Variants in PAQR5 observed in about 807,000 individuals in gnomAD.
PAQR5 encodes the protein progestin and adipoQ receptor family member 5, also known as membrane progestin receptor gamma.
In PAQR5, 20 loss-of-function variants were observed where a neutral mutation model predicts 34.5. The observed-to-expected ratio is 0.58, with a 90% CI of 0.41 to 0.84. The LOEUF is 0.84. Among genes scored for constraint, PAQR5 ranks in the 40% least tolerant of loss-of-function variants. PAQR5 has a pLI of 0.00. For synonymous variants in PAQR5, 131 were observed against 155.6 expected, an observed-to-expected ratio of 0.84 and a Z score of 1.18; for missense variants, 378 against 412.7, an observed-to-expected ratio of 0.92 and a Z score of 0.73.
rs1175316440 is a variant in PAQR5, at chr15:69,389,745, C to T, written c.477C>T (p.Asn159=). The change falls in exon 6 of 9, where the codon AAC becomes AAT. Residue 159 remains asparagine (N), a synonymous_variant. Transcript: ENST00000395407. ...ACTACGTGGCCCTGGCTGTACTGAA[C>T]ACCATCCTCAGCACAGGCCTCTCCT... ...HDYYVALAVL[N]TILSTGLSCY... The T allele has an allele frequency of 5.6e-6, 9 of 1,614,058 alleles. No individual in the cohort carries two copies. Among genetic ancestry groups the T allele is most frequent in the Non-Finnish European group, 7.6e-6 (9 of 1,180,020 alleles).
intron 1 of PAQR5, among the ~76,000 whole-genome samples, chr15:69,300,915 TTCTC>T (rs1189522672): frequency 0.11 from 1,184 of 10,964 alleles, 446 homozygotes; most frequent in Non-Finnish European, 0.21. Flanking sequence ...CTTCCTTCCT[TTCTC>T]TCTCTCTCTC....
intron 4 of PAQR5, among the ~76,000 whole-genome samples, chr15:69,382,147 G>A (rs546654297): frequency 1.3e-5 from 2 of 152,236 alleles, no homozygotes; most frequent in East Asian, 1.9e-4. Flanking sequence ...TCTTGGCCTC[G>A]GCTTGCAAGG....
intron 3 of PAQR5, among the ~76,000 whole-genome samples, chr15:69,375,154 G>A (rs529768932): frequency 2.5e-4 from 38 of 152,278 alleles, no homozygotes; most frequent in African/African-American, 7.7e-4. Context: ...TCGCAGTTCC[G>A]GAGACTGAAA....
In PAQR5 at chr15:69,403,784, C is replaced by A; in HGVS notation, c.955C>A (p.Arg319=). The A allele has an allele frequency of 1.2e-6, 2 of 1,613,906 alleles. No homozygotes were observed. Among genetic ancestry groups the A allele is most frequent in the Non-Finnish European group, 1.7e-6 (2 of 1,179,808 alleles). ...NIIYFSAALY[R]IPKPELHKKE... is the part of the protein sequence containing the mutation. ...AATTTATTTCTCAGCTGCTCTGTATCGGATTCCCAAGCCAGAATTACATAA... is the reference window on the plus strand; with the variant it reads ...AATTTATTTCTCAGCTGCTCTGTATAGGATTCCCAAGCCAGAATTACATAA... The change falls in exon 9 of 9, where the codon CGG becomes AGG. Residue 319 remains arginine, a synonymous_variant. Coordinates refer to ENST00000395407, the MANE Select transcript of PAQR5 (RefSeq NM_017705.4).
chr15:69,326,500 A>G (rs879412029), intron 1 of PAQR5, among the ~76,000 whole-genome samples: 2 of 149,904 alleles, frequency 1.3e-5, no homozygotes, highest in Admixed American at 1.3e-4. Flanking sequence ...CAATGGCATA[A>G]TCTTGGCTCA....
chr15:69,400,251 T>C, intron 8 of PAQR5, 136 bp downstream of exon 8: 2 of 854,612 alleles, frequency 2.3e-6, no homozygotes, highest in South Asian at 1.7e-5. Flanking sequence ...ACATTGCAAG[T>C]TGACAGAGGT....
At chr15:69,323,477 A>G (rs1422120750) in intron 1 of PAQR5, among the ~76,000 whole-genome samples, 1 of 152,200 alleles carries the variant, frequency 6.6e-6, no homozygotes, top group Non-Finnish European at 1.5e-5. Flanking sequence ...GGCCAGAGGC[A>G]GGATGGGGGC....
chr15:69,328,036 C>G (rs181017507), intron 1 of PAQR5, among the ~76,000 whole-genome samples: 3 of 152,280 alleles, frequency 2.0e-5, no homozygotes, highest in Admixed American at 2.0e-4. Context: ...CAGCCTCAGC[C>G]TCCCAAAGTG....
At chr15:69,386,462 T>C (rs2056112210) in intron 5 of PAQR5, among the ~76,000 whole-genome samples, 1 of 152,084 alleles carries the variant, frequency 6.6e-6, no homozygotes, top group Non-Finnish European at 1.5e-5. Context: ...GAGTGGGGAA[T>C]GTGCGTGCCC....
intron 6 of PAQR5, chr15:69,396,886 G>A: frequency 3.4e-6 from 1 of 297,840 alleles, no homozygotes; most frequent in South Asian, 3.0e-5. Flanking sequence ...GGGTGAGGGT[G>A]GCAATGAAGA....
At chr15:69,349,862 G>A (rs1387116638) in intron 2 of PAQR5, among the ~76,000 whole-genome samples, 1 of 151,888 alleles carries the variant, frequency 6.6e-6, no homozygotes, top group Non-Finnish European at 1.5e-5. Flanking sequence ...GGCTGGTCTC[G>A]AACTCCTGAC....
At chr15:69,335,132 G>T (rs1006626387) in intron 1 of PAQR5, among the ~76,000 whole-genome samples, 10 of 151,630 alleles carry the variant, frequency 6.6e-5, no homozygotes, top group African/African-American at 2.4e-4. Context: ...GCTGAGGCAG[G>T]AGAATCGTTT....
intron 1 of PAQR5, among the ~76,000 whole-genome samples, chr15:69,319,191 A>ACATATATATATT (rs1566995864): frequency 4.7e-4 from 15 of 32,008 alleles, no homozygotes; most frequent in South Asian, 2.4e-3. Context: ...ATATATATAT[A>ACATATATATATT]TATATATATA....
intron 1 of PAQR5, among the ~76,000 whole-genome samples, chr15:69,307,181 A>C (rs1595829496): frequency 6.7e-6 from 1 of 148,820 alleles, no homozygotes. Flanking sequence ...TGCACCCTCC[A>C]CCTCCCGTTA....
At chr15:69,339,102 C>T (rs945369146) in intron 2 of PAQR5, among the ~76,000 whole-genome samples, 4 of 149,276 alleles carry the variant, frequency 2.7e-5, no homozygotes, top group African/African-American at 4.9e-5. Flanking sequence ...TGAGTCAGCG[C>T]AAGAAGACAG....
intron 6 of PAQR5, chr15:69,391,357 GA>G (rs2056266518): frequency 6.3e-6 from 1 of 158,776 alleles, no homozygotes; most frequent in Admixed American, 6.4e-5. Context: ...GATAGATTCT[GA>G]AACAGCATTG....
rs1566984993 is a variant in PAQR5, at chr15:69,300,573, CTTTCTTTCTTTCTTTCCTT to C, written c.-277+1518_-277+1536del. On this transcript the variant is annotated intron_variant, in intron 1 of 8. Coordinates refer to ENST00000395407, the MANE Select transcript of PAQR5 (RefSeq NM_017705.4). ...ATCCCGTATGCTTTTCTTTCTTTCTCTTTCTTTCTTTCTTTCCTTCTTTCTTTCTTTCTTTCTTTCTTTC... is the reference window on the plus strand; with the variant it reads ...ATCCCGTATGCTTTTCTTTCTTTCTCCTTTCTTTCTTTCTTTCTTTCTTTC... Among the ~76,000 whole-genome samples, 107 of 83,642 alleles carry C rather than the reference CTTTCTTTCTTTCTTTCCTT, an allele frequency of 1.3e-3. 1 individual carries two copies. The highest frequency in any genetic ancestry group is 3.6e-3 in the African/African-American group (101 of 27,812). The allele number at this position is 83,642 out of a possible 152,430, so 54.9% of individuals were successfully genotyped here.
At chr15:69,340,029 G>A (rs564625215) in intron 2 of PAQR5, among the ~76,000 whole-genome samples, 1 of 152,282 alleles carries the variant, frequency 6.6e-6, no homozygotes, top group South Asian at 2.1e-4. Context: ...ACCACGCCCG[G>A]CTAATTTTGT....
At chr15:69,350,056 G>A (rs1311423469) in intron 2 of PAQR5, among the ~76,000 whole-genome samples, 1 of 152,198 alleles carries the variant, frequency 6.6e-6, no homozygotes, top group Non-Finnish European at 1.5e-5. Context: ...GCTCATTTCT[G>A]TAGGCCAGAC....
Sources: gnomAD v4.1 joint callset for allele counts (sites outside exome capture counted in the v4.1 genomes callset) on GRCh38, gnomAD v4.1.1 for gene constraint, MANE v1.5 for transcripts, NCBI Gene and HGNC (gene_info 2026-07-23, HGNC 2026-07-21) for gene names.